Variants in ALPK3 observed in about 807,000 individuals in gnomAD.
The protein encoded by ALPK3 is alpha kinase 3, also known as alpha-protein kinase 3.
In ALPK3, 102 loss-of-function variants were observed where a neutral mutation model predicts 140.0. That is an observed-to-expected ratio of 0.73 (90% CI 0.62 to 0.86). The LOEUF (loss-of-function observed/expected upper bound fraction) is 0.86. ALPK3 is among the 40% of genes least tolerant of loss of function. The pLI is 0.00. For missense variants in ALPK3, 2,254 were observed against 2,208.2 expected (o/e 1.02, Z -0.42); for synonymous variants, 938 against 898.5 (o/e 1.04, Z -0.79).
intron 11 of ALPK3, 118 bp downstream of exon 11, chr15:84,863,758 C>A: frequency 1.1e-6 from 1 of 933,760 alleles, no homozygotes; most frequent in Non-Finnish European, 1.6e-6. Context: ...TGCAAATAGG[C>A]TCACAGCCCC....
At position 84,857,090 on chromosome 15, in the gene ALPK3, G is replaced by A. The variant is rs781638139; in HGVS notation, c.2352G>A (p.Arg784=). 6.2e-7 allele frequency: 1 copy of A among 1,614,076 alleles called. No individual in the cohort carries two copies. Residue 784 remains arginine, a synonymous_variant, in exon 6 of 14, where the codon AGG becomes AGA. Coordinates refer to ENST00000258888, the MANE Select transcript of ALPK3 (RefSeq NM_020778.5). ...AGGAGGCAGTAGTAACAGCCTCCAGGAACCATGAGCAAACTGTGCTGGGTC... is the reference window on the plus strand; with the variant it reads ...AGGAGGCAGTAGTAACAGCCTCCAGAAACCATGAGCAAACTGTGCTGGGTC... The part of the protein sequence containing the change: ...RSEEAVVTAS[R]NHEQTVLGPL...
At position 84,862,689 on chromosome 15, in the gene ALPK3, C is replaced by G. The variant is rs192472249; in HGVS notation, c.4184C>G (p.Ser1395Cys). The change falls in exon 10 of 14, where the codon TCT (serine) becomes TGT (cysteine). Residue 1395 changes from serine (S) to cysteine (C), a missense_variant. Ser to Cys is a moderately radical substitution (Grantham distance 112, BLOSUM62 -1). Around this residue, in one of 3 missense-constraint regions of ALPK3, gnomAD observed 2,088 missense variants for 2,022.9 expected, o/e 1.03. Coordinates refer to ENST00000258888, the MANE Select transcript of ALPK3 (RefSeq NM_020778.5). Reference protein sequence around the residue: ...PMVFAKGLADSGCWGDKLFGR... With the variant: ...PMVFAKGLADCGCWGDKLFGR... ...GTGTTTGCTAAGGGTCTGGCTGACT[C>G]TGGCTGCTGGGGGGACAAGCTCTTT... The G allele has an allele frequency of 2.9e-5, 47 of 1,614,174 alleles. No individual in the cohort carries two copies. In the East Asian group the frequency reaches 1.0e-3, roughly 34 times the overall value.
intron 3 of ALPK3, among the ~76,000 whole-genome samples, chr15:84,832,135 T>C (rs1295430652): frequency 6.6e-6 from 1 of 152,172 alleles, no homozygotes; most frequent in African/African-American, 2.4e-5. Context: ...AAGATTTATT[T>C]TTTAAGCATC....
At chr15:84,824,146 C>T (rs1334420657) in intron 2 of ALPK3, among the ~76,000 whole-genome samples, 2 of 152,156 alleles carry the variant, frequency 1.3e-5, no homozygotes, top group African/African-American at 4.8e-5. Context: ...CCTCCTCTTT[C>T]TCTGAATTTT....
chr15:84,851,262 A>G (rs1963800152), intron 5 of ALPK3, among the ~76,000 whole-genome samples: 1 of 152,156 alleles, frequency 6.6e-6, no homozygotes, highest in Admixed American at 6.5e-5. Context: ...AATGTCTGGT[A>G]CAGAAAAAAG....
At chr15:84,858,907 G>A (rs1003814612) in intron 6 of ALPK3, among the ~76,000 whole-genome samples, 2 of 152,178 alleles carry the variant, frequency 1.3e-5, no homozygotes, top group Admixed American at 1.3e-4. Context: ...ACAGAGTGGT[G>A]GGGACAGGAT....
chr15:84,826,515 C>T (rs1451877560), intron 2 of ALPK3, among the ~76,000 whole-genome samples: 2 of 152,130 alleles, frequency 1.3e-5, no homozygotes, highest in Non-Finnish European at 2.9e-5. Flanking sequence ...CTTCAGGTGG[C>T]GCTTCACACC....
chr15:84,825,153 G>A (rs575297518), intron 2 of ALPK3, among the ~76,000 whole-genome samples: 22 of 152,208 alleles, frequency 1.4e-4, no homozygotes, highest in African/African-American at 5.3e-4. Flanking sequence ...AAAGAATGGT[G>A]AAGTAAAATA....
chr15:84,855,305 C>T (rs78833701), intron 5 of ALPK3, among the ~76,000 whole-genome samples: 176 of 152,328 alleles, frequency 1.2e-3, no homozygotes, highest in African/African-American at 4.0e-3. Context: ...ACTCTCCTCC[C>T]GCTGAGCTGT....
chr15:84,868,689 C>A lies in ALPK3; in HGVS notation c.*233C>A. 3.5e-6 allele frequency: 2 copies of A among 570,512 alleles called. No homozygotes were observed. Among genetic ancestry groups the A allele is most frequent in the Non-Finnish European group, 6.2e-6 (2 of 322,196 alleles). 35.3% of individuals were successfully genotyped at this position (570,512 alleles called of 1,614,324 possible). Reference sequence around the variant, plus strand: ...GCCACTGTCACCCAGGGCTCCCGGGCCTCAAGCAGTCCCCACCTCCAAGTG... The same window carrying A: ...GCCACTGTCACCCAGGGCTCCCGGGACTCAAGCAGTCCCCACCTCCAAGTG... On this transcript the variant is annotated 3_prime_UTR_variant, in exon 14 of 14. Transcript: ENST00000258888.
At chr15:84,832,596 G>GT (rs1349478920) in intron 3 of ALPK3, among the ~76,000 whole-genome samples, 1 of 152,088 alleles carries the variant, frequency 6.6e-6, no homozygotes, top group Non-Finnish European at 1.5e-5. Context: ...CCACCACATA[G>GT]TTTTTTTGTT....
intron 3 of ALPK3, among the ~76,000 whole-genome samples, chr15:84,834,809 C>A (rs1027385734): frequency 6.6e-6 from 1 of 152,376 alleles, no homozygotes; most frequent in Non-Finnish European, 1.5e-5. Flanking sequence ...GCACACCTGC[C>A]TGTGGACATG....
intron 3 of ALPK3, 39 bp downstream of exon 3, chr15:84,827,644 G>A: frequency 6.2e-7 from 1 of 1,611,524 alleles, no homozygotes. Flanking sequence ...CAGGGCCTCT[G>A]CACAGAGCAG....
chr15:84,842,503 C>T (rs1309655936), intron 5 of ALPK3, among the ~76,000 whole-genome samples: 1 of 151,882 alleles, frequency 6.6e-6, no homozygotes, highest in Non-Finnish European at 1.5e-5. Context: ...GGACAGAGGA[C>T]AGGTGGTTTC....
intron 5 of ALPK3, among the ~76,000 whole-genome samples, chr15:84,844,525 A>G (rs1400242674): frequency 2.0e-5 from 3 of 152,212 alleles, no homozygotes; most frequent in Non-Finnish European, 4.4e-5. Flanking sequence ...AGATAAGAAG[A>G]CAAGATTGCA....
chr15:84,840,697 A>C lies in ALPK3; in HGVS notation c.1418A>C (p.Gln473Pro). 6.2e-7 allele frequency: 1 copy of C among 1,609,936 alleles called. No individual in the cohort carries two copies. The highest frequency in any genetic ancestry group is 8.5e-7 in the Non-Finnish European group (1 of 1,177,950). Residue 473 changes from glutamine (Q) to proline (P), a missense_variant, in exon 5 of 14, where the codon CAG (glutamine) becomes CCG (proline). By Grantham distance (76) the Gln-to-Pro change is moderately conservative (BLOSUM62 -1). Transcript: ENST00000258888. ...PGQPTHSLTP[Q>P]PTRPFNRKRF... ...CAGCCCACACACTCCTTGACCCCCCAGCCGACTAGGCCTTTCAACAGAAAG... is the reference window on the plus strand; with the variant it reads ...CAGCCCACACACTCCTTGACCCCCCCGCCGACTAGGCCTTTCAACAGAAAG...
At chr15:84,866,269 A>G (rs2141575128) in intron 12 of ALPK3, among the ~76,000 whole-genome samples, 1 of 152,362 alleles carries the variant, frequency 6.6e-6, no homozygotes, top group East Asian at 1.9e-4. Flanking sequence ...TTATCACATT[A>G]GTCCTATGTT....
In ALPK3 at chr15:84,840,914, C is replaced by T; in HGVS notation, c.1635C>T (p.Gly545=). ...TRDSTLQGQA[G]HRTPGEVLEC... is the part of the protein sequence containing the mutation. ...ACAGCACGTTGCAGGGGCAAGCAGG[C>T]CACAGGACTCCAGGAGAGGTAAGTG... The change falls in exon 5 of 14, where the codon GGC becomes GGT. Residue 545 remains glycine (G), a synonymous_variant. Coordinates refer to ENST00000258888, the MANE Select transcript of ALPK3 (RefSeq NM_020778.5). 1 of 1,600,676 alleles carries T rather than the reference C, an allele frequency of 6.2e-7. No homozygotes were observed. The highest frequency in any genetic ancestry group is 8.5e-7 in the Non-Finnish European group (1 of 1,173,526).
At chr15:84,863,296 C>G (rs980839876) in intron 10 of ALPK3, among the ~76,000 whole-genome samples, 10 of 152,136 alleles carry the variant, frequency 6.6e-5, no homozygotes, top group Admixed American at 6.5e-4. Context: ...TGTCACATAC[C>G]ATAAGGACTC....
Sources: allele counts gnomAD v4.1 joint callset (sites outside exome capture counted in the v4.1 genomes callset), GRCh38; gene constraint gnomAD v4.1.1; regional missense constraint gnomAD v4.1.1; transcripts MANE v1.5; gene names NCBI Gene and HGNC (gene_info 2026-07-23, HGNC 2026-07-21).